Variants in ARHGAP20 observed in about 807,000 individuals in gnomAD.
ARHGAP20 encodes the protein rho GTPase-activating protein 20.
A neutral mutation model predicts 73.7 loss-of-function variants in ARHGAP20; 34 were observed. That is an observed-to-expected ratio of 0.46 (90% CI 0.35 to 0.61). The LOEUF is 0.61. Ranked by LOEUF, ARHGAP20 falls within the 20% of genes least tolerant of loss-of-function variation. The probability of loss-of-function intolerance (pLI) is 0.00; values close to 1 mark genes in which losing one functional copy is unlikely to be tolerated. For synonymous variants in ARHGAP20, 523 were observed against 518.2 expected (o/e 1.01, Z -0.13); for missense variants, 1,314 against 1,420.9 (o/e 0.92, Z 1.21).
intron 2 of ARHGAP20, among the ~76,000 whole-genome samples, chr11:110,661,342 A>G (rs542763056): frequency 5.3e-5 from 8 of 152,286 alleles, no homozygotes; most frequent in African/African-American, 1.9e-4. Flanking sequence ...CAGGAGGACA[A>G]GAAATTCATT....
At chr11:110,604,281 G>T (rs2134869501) in intron 9 of ARHGAP20, among the ~76,000 whole-genome samples, 1 of 152,242 alleles carries the variant, frequency 6.6e-6, no homozygotes, top group South Asian at 2.1e-4. Flanking sequence ...CAGGCATTCT[G>T]ATGCTCTCAG....
At chr11:110,586,093 C>T in intron 12 of ARHGAP20, 123 bp downstream of exon 12, 1 of 464,370 alleles carries the variant, frequency 2.2e-6, no homozygotes, top group Non-Finnish European at 3.7e-6. Flanking sequence ...GACAAACTAG[C>T]ATACATCTAT....
At chr11:110,594,885 AAATCCTCAATAAAATACTGGCAAACCG>A (rs1947916207) in intron 9 of ARHGAP20, among the ~76,000 whole-genome samples, 1 of 152,156 alleles carries the variant, frequency 6.6e-6, no homozygotes, top group Non-Finnish European at 1.5e-5. Flanking sequence ...ATTGATGCAA[AAATCCTCAATAAAATACTGGCAAACCG>A]AATCCAGCAG....
At chr11:110,653,649 C>T (rs765833178) in intron 2 of ARHGAP20, among the ~76,000 whole-genome samples, 6 of 152,096 alleles carry the variant, frequency 3.9e-5, no homozygotes, top group South Asian at 2.1e-4. Context: ...TCAACCATTG[C>T]GGAAGACAGT....
In ARHGAP20 at chr11:110,580,340, T is replaced by A; in HGVS notation, c.2606A>T (p.His869Leu). 6.2e-7 allele frequency: 1 copy of A among 1,614,224 alleles called. No homozygotes were observed. Among genetic ancestry groups the A allele is most frequent in the Non-Finnish European group, 8.5e-7 (1 of 1,180,046 alleles). ...GAGACCAGCTTCACAGCTGGTTTTA[T>A]GTTGTTTCTTTGAATAAATTCCCCT... is the stretch of plus-strand genomic sequence containing the variant. ...YLRGIYSKKQ[H>L]KTSCEAGLLH... Residue 869 changes from histidine (H) to leucine (L), a missense_variant, in exon 15 of 15, where the codon CAT becomes CTT. By Grantham distance (99) the His-to-Leu change is moderately conservative (BLOSUM62 -3). This residue lies in a region of ARHGAP20 where 641 missense variants were observed against 636.9 expected (regional missense o/e 1.01). Transcript: ENST00000683387.
intron 8 of ARHGAP20, among the ~76,000 whole-genome samples, chr11:110,608,723 G>A (rs554807609): frequency 6.6e-6 from 1 of 152,222 alleles, no homozygotes; most frequent in East Asian, 1.9e-4. Context: ...AGGTTTGGCA[G>A]GATAACTCTT....
intron 6 of ARHGAP20, among the ~76,000 whole-genome samples, chr11:110,613,613 A>G (rs1208385088): frequency 6.6e-6 from 1 of 152,154 alleles, no homozygotes; most frequent in African/African-American, 2.4e-5. Flanking sequence ...GAATGTAACC[A>G]ACTGCCACAA....
intron 2 of ARHGAP20, among the ~76,000 whole-genome samples, chr11:110,660,934 C>T (rs1180742946): frequency 6.6e-6 from 1 of 152,176 alleles, no homozygotes; most frequent in Admixed American, 6.6e-5. Flanking sequence ...CTCACTTTTA[C>T]ACTCGTCATT....
intron 9 of ARHGAP20, among the ~76,000 whole-genome samples, chr11:110,597,951 G>A (rs781206271): frequency 3.9e-5 from 6 of 152,170 alleles, no homozygotes; most frequent in African/African-American, 1.4e-4. Context: ...TAAGAAATGA[G>A]GGATGTAAAT....
At chr11:110,700,604 T>G (rs941951459) in intron 1 of ARHGAP20, among the ~76,000 whole-genome samples, 27 of 151,950 alleles carry the variant, frequency 1.8e-4, no homozygotes, top group African/African-American at 6.0e-4. Flanking sequence ...TTATTATTAT[T>G]ATACTTTAAG....
At chr11:110,619,452 T>C (rs566645114) in intron 4 of ARHGAP20, among the ~76,000 whole-genome samples, 49 of 150,996 alleles carry the variant, frequency 3.2e-4, no homozygotes, top group Admixed American at 1.8e-3. Flanking sequence ...AGAGTATATG[T>C]AGTGATAGTG....
At chr11:110,604,083 C>T (rs947665677) in intron 9 of ARHGAP20, among the ~76,000 whole-genome samples, 4 of 151,920 alleles carry the variant, frequency 2.6e-5, no homozygotes, top group Admixed American at 2.0e-4. Context: ...GTTTTTTCTC[C>T]TGTTATGTAA....
chr11:110,657,839 G>A (rs1949500376), intron 2 of ARHGAP20, among the ~76,000 whole-genome samples: 1 of 151,614 alleles, frequency 6.6e-6, no homozygotes, highest in Non-Finnish European at 1.5e-5. Context: ...AGGTTGCAGT[G>A]AGCCAAGATC....
At chr11:110,594,004 G>T (rs1456042927) in intron 9 of ARHGAP20, among the ~76,000 whole-genome samples, 1 of 152,214 alleles carries the variant, frequency 6.6e-6, no homozygotes, top group Non-Finnish European at 1.5e-5. Context: ...CTGAAGGATT[G>T]ATCTTTTAAA....
chr11:110,589,341 A>C (rs1414266607), intron 11 of ARHGAP20: 3 of 954,166 alleles, frequency 3.1e-6, no homozygotes, highest in Non-Finnish European at 2.5e-6. Context: ...AATTTATAGC[A>C]GGGTTTAAGA....
intron 2 of ARHGAP20, among the ~76,000 whole-genome samples, chr11:110,672,194 T>C (rs920987915): frequency 6.6e-6 from 1 of 152,154 alleles, no homozygotes; most frequent in Non-Finnish European, 1.5e-5. Context: ...AACTTCTGCA[T>C]CTCTAAAAGT....
intron 2 of ARHGAP20, among the ~76,000 whole-genome samples, chr11:110,672,099 T>C (rs1777661514): frequency 6.6e-6 from 1 of 152,194 alleles, no homozygotes; most frequent in South Asian, 2.1e-4. Context: ...CTTTCAAGTA[T>C]TCAAATGTTT....
At chr11:110,631,858 C>T (rs889047740) in intron 2 of ARHGAP20, among the ~76,000 whole-genome samples, 2 of 152,192 alleles carry the variant, frequency 1.3e-5, no homozygotes, top group Non-Finnish European at 2.9e-5. Context: ...TCAATCCTGA[C>T]TTGATCACCC....
intron 2 of ARHGAP20, among the ~76,000 whole-genome samples, chr11:110,663,617 A>G (rs1949662283): frequency 6.6e-6 from 1 of 152,084 alleles, no homozygotes; most frequent in African/African-American, 2.4e-5. Flanking sequence ...AAAACAAACA[A>G]AGGAACAAAA....
Sources: allele counts gnomAD v4.1 joint callset (sites outside exome capture counted in the v4.1 genomes callset), GRCh38; gene constraint gnomAD v4.1.1; regional missense constraint gnomAD v4.1.1; transcripts MANE v1.5; gene names NCBI Gene and HGNC (gene_info 2026-07-23, HGNC 2026-07-21).